Variants in COL27A1 observed in about 807,000 individuals in gnomAD.
The protein encoded by COL27A1 is collagen type XXVII alpha 1 chain, also known as collagen alpha-1(XXVII) chain.
In COL27A1, 106 loss-of-function variants were observed where a neutral mutation model predicts 251.3. The observed-to-expected ratio is 0.42, with a 90% CI of 0.36 to 0.50. COL27A1 has a LOEUF of 0.50. COL27A1 is among the 20% of genes least tolerant of loss of function. The pLI is 0.00. For missense variants in COL27A1, 2,325 were observed against 2,522.8 expected (o/e 0.92, Z 1.68); for synonymous variants, 1,000 against 986.3 (o/e 1.01, Z -0.26).
At chr9:114,309,628 T>C in intron 60 of COL27A1, 150 bp downstream of exon 60, 3 of 698,990 alleles carry the variant, frequency 4.3e-6, no homozygotes, top group Non-Finnish European at 7.0e-6. Context: ...CTTTGTGTAA[T>C]ATAACAGTTT....
intron 42 of COL27A1, 38 bp from the exon 43 acceptor site, chr9:114,288,664 C>A: frequency 6.3e-7 from 1 of 1,597,790 alleles, no homozygotes; most frequent in Non-Finnish European, 8.6e-7. Flanking sequence ...TCCTTGGCAC[C>A]TGGTGGCCCA....
chr9:114,309,238 C>G (rs1201001362), intron 59 of COL27A1, 22 bp from the exon 60 acceptor site: 1 of 1,608,808 alleles, frequency 6.2e-7, no homozygotes, highest in Non-Finnish European at 8.5e-7. Flanking sequence ...CTGAGCCGCT[C>G]ACTGCCGTTG....
intron 7 of COL27A1, among the ~76,000 whole-genome samples, chr9:114,203,811 G>T (rs2135290912): frequency 6.6e-6 from 1 of 152,284 alleles, no homozygotes; most frequent in South Asian, 2.1e-4. Context: ...GGAGATGTTT[G>T]CAAGATTTCC....
At chr9:114,195,072 A>G (rs1588632582) in intron 6 of COL27A1, among the ~76,000 whole-genome samples, 2 of 152,206 alleles carry the variant, frequency 1.3e-5, no homozygotes, top group Admixed American at 1.3e-4. Flanking sequence ...CCAGAACTCC[A>G]AATGAGATTG....
At chr9:114,231,222 G>A in intron 15 of COL27A1, 90 bp downstream of exon 15, 1 of 1,230,764 alleles carries the variant, frequency 8.1e-7, no homozygotes, top group South Asian at 1.3e-5. Context: ...GACCTTAGAT[G>A]ATGCTGGGGG....
At chr9:114,158,771 C>T (rs1848297826) in intron 1 of COL27A1, among the ~76,000 whole-genome samples, 1 of 152,210 alleles carries the variant, frequency 6.6e-6, no homozygotes, top group Non-Finnish European at 1.5e-5. Flanking sequence ...CGTTGGCTCC[C>T]TGGGTTGCAT....
chr9:114,177,058 C>G (rs1249988729), intron 3 of COL27A1, among the ~76,000 whole-genome samples: 1 of 152,226 alleles, frequency 6.6e-6, no homozygotes, highest in Admixed American at 6.5e-5. Flanking sequence ...CCTTCAAAGG[C>G]TGCAGGCACA....
At position 114,243,564 on chromosome 9, in the gene COL27A1, AG is replaced by A. The variant is rs1236552481; in HGVS notation, c.2934+8del. On this transcript the variant is annotated splice_donor_5th_base_variant and intron_variant, in intron 23 of 60. Coordinates refer to ENST00000356083, the MANE Select transcript of COL27A1 (RefSeq NM_032888.4). ...GCCCGGCCTGGATGGCGTGAAGGTG[AG>A]GGGACCTGGAGATCCCTGGGGACAA... 1 of 1,612,332 alleles carries A rather than the reference AG, an allele frequency of 6.2e-7. No individual in the cohort carries two copies. Among genetic ancestry groups the A allele is most frequent in the East Asian group, 2.2e-5 (1 of 44,832 alleles).
chr9:114,194,444 A>T lies in COL27A1; in HGVS notation c.2057A>T (p.His686Leu). Reference sequence around the variant, plus strand: ...CCAGGGCTCTCACCAGGAAAGGCCCACGATGGGGCAAAGGTAGGTTTCCAG... The same window carrying T: ...CCAGGGCTCTCACCAGGAAAGGCCCTCGATGGGGCAAAGGTAGGTTTCCAG... ...GDPGLSPGKA[H>L]DGAKGDMGLP... is the part of the protein sequence containing the mutation. Residue 686 changes from histidine to leucine, a missense_variant, in exon 6 of 61, where the codon CAC (histidine) becomes CTC (leucine). His to Leu is a moderately conservative substitution (Grantham distance 99). Coordinates refer to ENST00000356083, the MANE Select transcript of COL27A1 (RefSeq NM_032888.4). 5 of 1,612,920 alleles carry T rather than the reference A, an allele frequency of 3.1e-6. No homozygotes were observed. Among genetic ancestry groups the T allele is most frequent in the Non-Finnish European group, 3.4e-6 (4 of 1,179,522 alleles).
chr9:114,183,568 A>C (rs1181847033), intron 5 of COL27A1, among the ~76,000 whole-genome samples: 1 of 151,924 alleles, frequency 6.6e-6, no homozygotes, highest in Non-Finnish European at 1.5e-5. Flanking sequence ...GTGTGGGAGG[A>C]GGTAGGGTGG....
At chr9:114,201,759 C>T (rs1564461720) in intron 7 of COL27A1, among the ~76,000 whole-genome samples, 2 of 152,292 alleles carry the variant, frequency 1.3e-5, no homozygotes, top group South Asian at 2.1e-4. Context: ...CATGACTGAC[C>T]TCTGCCTGAA....
At chr9:114,245,157 T>G (rs112882884) in intron 23 of COL27A1, among the ~76,000 whole-genome samples, 1,833 of 73,534 alleles carry the variant, frequency 0.025, 41 homozygotes, top group Non-Finnish European at 0.027. Flanking sequence ...TGTTTTTTTT[T>G]TTTTTTTTTT....
chr9:114,270,416 T>C (rs1835063059), intron 35 of COL27A1, among the ~76,000 whole-genome samples: 2 of 152,224 alleles, frequency 1.3e-5, no homozygotes, highest in South Asian at 2.1e-4. Flanking sequence ...GACAAATCCA[T>C]GACAAGCACC....
intron 60 of COL27A1, 105 bp downstream of exon 60, chr9:114,309,583 A>G (rs1442012312): frequency 1.3e-6 from 1 of 791,352 alleles, no homozygotes; most frequent in Non-Finnish European, 2.0e-6. Flanking sequence ...ACATTTTAAT[A>G]GTATACTATA....
chr9:114,299,938 C>T (rs571093129), intron 49 of COL27A1, 132 bp from the exon 50 acceptor site: 11 of 773,442 alleles, frequency 1.4e-5, no homozygotes, highest in East Asian at 7.5e-5. Context: ...CTCACTTGGT[C>T]GCTTCACAGA....
At chr9:114,309,070 A>C (rs866320879) in intron 59 of COL27A1, among the ~76,000 whole-genome samples, 190 bp from the exon 60 acceptor site, 5 of 152,144 alleles carry the variant, frequency 3.3e-5, no homozygotes, top group African/African-American at 1.2e-4. Flanking sequence ...CGCAGCCAAG[A>C]ACCTGTAAGA....
At position 114,168,348 on chromosome 9, in the gene COL27A1, G is replaced by A. The variant is rs34578955; in HGVS notation, c.793G>A (p.Ala265Thr). ...ACCTTTTACCTTCCAGTCCGACCTCGCCCTGCTAGGCCTGGAGAACTTGAC... is the reference window on the plus strand; with the variant it reads ...ACCTTTTACCTTCCAGTCCGACCTCACCCTGCTAGGCCTGGAGAACTTGAC... ...GRPFTFQSDL[A>T]LLGLENLTTA... is the part of the protein sequence containing the mutation. The change falls in exon 3 of 61, where the codon GCC becomes ACC. Residue 265 changes from alanine to threonine, a missense_variant. By Grantham distance (58) the Ala-to-Thr change is moderately conservative. Transcript: ENST00000356083. 3.0e-3 allele frequency: 4,866 copies of A among 1,613,178 alleles called. 120 individuals carry two copies. The African/African-American group carries it at 0.054, about 18-fold the overall frequency.
At chr9:114,273,366 T>C (rs901582665) in intron 36 of COL27A1, 45 of 152,402 alleles carry the variant, frequency 3.0e-4, no homozygotes, top group African/African-American at 1.1e-3. Flanking sequence ...CTGCTCTACA[T>C]TGGCCCACGC....
chr9:114,307,236 G>A (rs1588906844), intron 58 of COL27A1: 1 of 176,040 alleles, frequency 5.7e-6, no homozygotes, highest in African/African-American at 2.4e-5. Context: ...AAGCCCAGTG[G>A]GGAAGCTAGA....
Sources: gnomAD v4.1 joint callset for allele counts (sites outside exome capture counted in the v4.1 genomes callset) on GRCh38, gnomAD v4.1.1 for gene constraint, MANE v1.5 for transcripts, NCBI Gene and HGNC (gene_info 2026-07-23, HGNC 2026-07-21) for gene names.